The following PAM variants were observed in gnomAD, a reference collection of about 807,000 sequenced individuals.
PAM encodes the protein peptidyl-glycine alpha-amidating monooxygenase.
Under a neutral mutation model 122.1 loss-of-function variants are expected in PAM, and 72 were observed. That is an observed-to-expected ratio of 0.59 (90% CI 0.49 to 0.72). PAM has a LOEUF of 0.72. Ranked by LOEUF, PAM falls within the 30% of genes least tolerant of loss-of-function variation. The pLI is 0.00. For missense variants in PAM, 1,106 were observed against 1,183.7 expected (o/e 0.93, Z 0.96); for synonymous variants, 389 against 404.4 (o/e 0.96, Z 0.46).
intron 23 of PAM, among the ~76,000 whole-genome samples, chr5:103,024,234 G>A (rs948981371): frequency 2.0e-5 from 3 of 152,116 alleles, no homozygotes; most frequent in Non-Finnish European, 2.9e-5. Context: ...TGTGCTTCTT[G>A]TAGGGCAAGG....
chr5:102,794,870 C>T (rs2150030880), intron 1 of PAM, among the ~76,000 whole-genome samples: 1 of 151,996 alleles, frequency 6.6e-6, no homozygotes, highest in African/African-American at 2.4e-5. Context: ...GCTGGTTGCT[C>T]CAAAGAGTAA....
intron 1 of PAM, among the ~76,000 whole-genome samples, chr5:102,787,895 C>CATGT (rs1760972165): frequency 6.6e-6 from 1 of 152,006 alleles, no homozygotes; most frequent in Non-Finnish European, 1.5e-5. Context: ...TTAAATTATT[C>CATGT]ATGTATGGTA....
intron 1 of PAM, among the ~76,000 whole-genome samples, chr5:102,812,537 T>C (rs1768254308): frequency 6.6e-6 from 1 of 152,122 alleles, no homozygotes. Flanking sequence ...TTTGGAATCA[T>C]TTCCTGGAGA....
chr5:102,927,135 C>T (rs1561915430), intron 7 of PAM, among the ~76,000 whole-genome samples: 1 of 152,062 alleles, frequency 6.6e-6, no homozygotes, highest in African/African-American at 2.4e-5. Flanking sequence ...ACTTCATGAA[C>T]TCATCCATTG....
At chr5:102,765,824 C>T (rs1753750548) in intron 1 of PAM, among the ~76,000 whole-genome samples, 1 of 152,086 alleles carries the variant, frequency 6.6e-6, no homozygotes, top group Non-Finnish European at 1.5e-5. Context: ...TCTCTGTGTC[C>T]AAGTTTCCCC....
chr5:102,956,348 A>G (rs1000390401), intron 12 of PAM, among the ~76,000 whole-genome samples: 1 of 152,098 alleles, frequency 6.6e-6, no homozygotes, highest in Non-Finnish European at 1.5e-5. Context: ...TATATGCATA[A>G]TTTTTCTCAA....
intron 1 of PAM, among the ~76,000 whole-genome samples, chr5:102,847,647 T>C (rs1187896642): frequency 6.6e-6 from 1 of 152,222 alleles, no homozygotes; most frequent in Non-Finnish European, 1.5e-5. Flanking sequence ...CAGCTAAAGA[T>C]AGTAAAATTA....
upstream of PAM, chr5:102,755,238 G>C (rs1488470951): frequency 2.0e-5 from 3 of 152,366 alleles, 1 homozygote; most frequent in African/African-American, 7.2e-5. Context: ...CTGCCTCCGC[G>C]TGCTCAGCCT....
chr5:102,897,280 A>G (rs986333812), intron 3 of PAM, among the ~76,000 whole-genome samples: 2 of 151,594 alleles, frequency 1.3e-5, no homozygotes, highest in Non-Finnish European at 3.0e-5. Context: ...AAATGTACAC[A>G]ATCAGGGGTT....
At chr5:102,921,401 T>G (rs1747413153) in intron 5 of PAM, among the ~76,000 whole-genome samples, 1 of 152,120 alleles carries the variant, frequency 6.6e-6, no homozygotes, top group Admixed American at 6.6e-5. Flanking sequence ...TGATGCCATT[T>G]TCATTTAAAA....
chr5:102,983,019 T>C (rs1770432918), intron 15 of PAM, among the ~76,000 whole-genome samples: 1 of 151,892 alleles, frequency 6.6e-6, no homozygotes, highest in South Asian at 2.1e-4. Flanking sequence ...AGAGATATTA[T>C]AAAAAAGAGT....
chr5:102,883,971 A>C (rs969028984), intron 3 of PAM, among the ~76,000 whole-genome samples: 2 of 151,808 alleles, frequency 1.3e-5, no homozygotes, highest in Admixed American at 6.6e-5. Context: ...TGAGATGATC[A>C]TGTGTTAATC....
chr5:102,925,209 G>A (rs1049687830), intron 6 of PAM, among the ~76,000 whole-genome samples, 167 bp downstream of exon 6: 3 of 152,174 alleles, frequency 2.0e-5, no homozygotes, highest in African/African-American at 7.2e-5. Context: ...TTTCATTTAG[G>A]TAGTTACTCT....
chr5:102,901,157 T>C (rs1358300236), intron 3 of PAM, among the ~76,000 whole-genome samples, 199 bp from the exon 4 acceptor site: 1 of 151,570 alleles, frequency 6.6e-6, no homozygotes, highest in Non-Finnish European at 1.5e-5. Flanking sequence ...TAAAGTTGTT[T>C]AGGAAAGAGT....
chr5:102,865,607 A>G (rs1785314463), intron 1 of PAM: 2 of 152,254 alleles, frequency 1.3e-5, no homozygotes, highest in African/African-American at 4.8e-5. Context: ...AAGAGCAAGC[A>G]AAGACAGAAC....
intron 14 of PAM, among the ~76,000 whole-genome samples, chr5:102,965,555 T>G (rs35934658): frequency 6.6e-6 from 1 of 151,986 alleles, no homozygotes; most frequent in South Asian, 2.1e-4. Context: ...TATGTCCTTG[T>G]TATTATGTAT....
chr5:102,887,122 AC>A (rs1419228969), intron 3 of PAM, among the ~76,000 whole-genome samples: 1 of 152,008 alleles, frequency 6.6e-6, no homozygotes. Flanking sequence ...GTTTGTCCCC[AC>A]CAGAACTCAT....
intron 1 of PAM, among the ~76,000 whole-genome samples, chr5:102,777,129 A>T (rs768873568): frequency 6.6e-6 from 1 of 152,104 alleles, no homozygotes; most frequent in Non-Finnish European, 1.5e-5. Flanking sequence ...GATCTTTTTC[A>T]AAATCACCAT....
intron 1 of PAM, among the ~76,000 whole-genome samples, chr5:102,755,975 G>C (rs1291926181): frequency 6.6e-6 from 1 of 152,152 alleles, no homozygotes; most frequent in African/African-American, 2.4e-5. Flanking sequence ...CTCCAAGGCA[G>C]AATGGGAAGT....
Sources: allele counts gnomAD v4.1 joint callset (sites outside exome capture counted in the v4.1 genomes callset), GRCh38; gene constraint gnomAD v4.1.1; transcripts MANE v1.5; gene names NCBI Gene and HGNC (gene_info 2026-07-23, HGNC 2026-07-21).